The following TMEM132D variants were observed in gnomAD, a reference collection of about 807,000 sequenced individuals.
The protein encoded by TMEM132D is transmembrane protein 132D, also known as mature OL transmembrane protein.
A neutral mutation model predicts 62.3 loss-of-function variants in TMEM132D; 21 were observed. The observed-to-expected ratio is 0.34, with a 90% CI of 0.24 to 0.49. TMEM132D has a LOEUF of 0.49. Among genes scored for constraint, TMEM132D ranks in the 20% least tolerant of loss-of-function variants. TMEM132D has a pLI of 0.99. For synonymous variants in TMEM132D, 621 were observed against 575.6 expected, an observed-to-expected ratio of 1.08 and a Z score of -1.13; for missense variants, 1,346 against 1,402.8, an observed-to-expected ratio of 0.96 and a Z score of 0.65.
rs148085595 is a variant in TMEM132D at position 129,713,360 on chromosome 12, G to A, written c.80-12662C>T. On this transcript the variant is annotated intron_variant, in intron 1 of 8. Transcript: ENST00000422113. ...CCATTTGCAGAAGAATGTTTTTGTT[G>A]CTTAAATGTAGGTCTCTCTGATCTC... is the stretch of plus-strand genomic sequence containing the variant. 6.8e-3 allele frequency among the ~76,000 whole-genome samples: 1,024 copies of A among 151,648 alleles called. 6 individuals are homozygous for A. The highest frequency in any genetic ancestry group is 0.029 in the South Asian group (138 of 4,776).
At chr12:129,205,957 A>T (rs896055641) in intron 5 of TMEM132D, among the ~76,000 whole-genome samples, 1 of 152,206 alleles carries the variant, frequency 6.6e-6, no homozygotes, top group Non-Finnish European at 1.5e-5. Context: ...TTAACTCAAG[A>T]TGGATTAAAT....
chr12:129,669,320 T>C (rs1466063780), intron 2 of TMEM132D, among the ~76,000 whole-genome samples: 2 of 152,212 alleles, frequency 1.3e-5, no homozygotes, highest in Non-Finnish European at 1.5e-5. Context: ...TTAGCTGTTC[T>C]TGAGGTTTTT....
chr12:129,429,949 A>G (rs927449489), intron 3 of TMEM132D, among the ~76,000 whole-genome samples: 6 of 151,968 alleles, frequency 3.9e-5, no homozygotes, highest in African/African-American at 1.4e-4. Flanking sequence ...TCCATGGTGT[A>G]TATGTGCCAC....
At chr12:129,714,163 C>T (rs1424652025) in intron 1 of TMEM132D, among the ~76,000 whole-genome samples, 1 of 152,164 alleles carries the variant, frequency 6.6e-6, no homozygotes, top group East Asian at 1.9e-4. Context: ...CCTGGAGTGC[C>T]CATCCCCAGG....
intron 2 of TMEM132D, among the ~76,000 whole-genome samples, chr12:129,693,845 G>C (rs560716569): frequency 6.6e-6 from 1 of 152,146 alleles, no homozygotes; most frequent in African/African-American, 2.4e-5. Flanking sequence ...TGTATGCGAC[G>C]TATGAACAAG....
At chr12:129,508,228 A>C (rs1875397170) in intron 3 of TMEM132D, among the ~76,000 whole-genome samples, 1 of 152,322 alleles carries the variant, frequency 6.6e-6, no homozygotes, top group African/African-American at 2.4e-5. Flanking sequence ...ACTCTCTACA[A>C]GTTATACAAT....
At chr12:129,241,389 G>A (rs12827913) in intron 4 of TMEM132D, among the ~76,000 whole-genome samples, 3,886 of 152,110 alleles carry the variant, frequency 0.026, 78 homozygotes, top group Non-Finnish European at 0.035. Context: ...CATATGTTTC[G>A]CTCTTCTCCA....
chr12:129,840,340 C>G (rs1873153601), intron 1 of TMEM132D: 1 of 152,084 alleles, frequency 6.6e-6, no homozygotes, highest in Admixed American at 6.5e-5. Context: ...CGAGGATGCC[C>G]CTCCCAGCCT....
At chr12:129,735,340 G>C (rs1440829246) in intron 1 of TMEM132D, among the ~76,000 whole-genome samples, 2 of 152,140 alleles carry the variant, frequency 1.3e-5, no homozygotes, top group African/African-American at 4.8e-5. Flanking sequence ...ACACCACCTG[G>C]CATTTAAAAG....
At chr12:129,534,995 G>A (rs1359936923) in intron 2 of TMEM132D, among the ~76,000 whole-genome samples, 3 of 152,134 alleles carry the variant, frequency 2.0e-5, no homozygotes, top group Admixed American at 2.0e-4. Context: ...ATATAACAAG[G>A]GGAGGCTAAG....
At chr12:129,735,277 C>A (rs1039668055) in intron 1 of TMEM132D, among the ~76,000 whole-genome samples, 17 of 152,166 alleles carry the variant, frequency 1.1e-4, no homozygotes, top group African/African-American at 4.1e-4. Context: ...ACCTGTCCTG[C>A]TCAACATTTA....
rs905121 is a variant in TMEM132D, at chr12:129,823,426, C to T, written c.79+79835G>A. On this transcript the variant is annotated intron_variant, in intron 1 of 8. Coordinates refer to ENST00000422113, the MANE Select transcript of TMEM132D (RefSeq NM_133448.3). Reference sequence around the variant, plus strand: ...ATATTTTTTATACAAAGAGTTTAGGCGCAGTACGCCCCTTTCATCAGTTAG... The same window carrying T: ...ATATTTTTTATACAAAGAGTTTAGGTGCAGTACGCCCCTTTCATCAGTTAG... 8.8e-3 allele frequency among the ~76,000 whole-genome samples: 1,341 copies of T among 152,326 alleles called. 13 individuals carry two copies. The highest frequency in any genetic ancestry group is 0.03 in the African/African-American group (1,237 of 41,570).
At chr12:129,771,345 G>T (rs571200477) in intron 1 of TMEM132D, among the ~76,000 whole-genome samples, 1 of 152,142 alleles carries the variant, frequency 6.6e-6, no homozygotes, top group Non-Finnish European at 1.5e-5. Context: ...GATAATAACA[G>T]TCCCTGCCTC....
At chr12:129,737,393 G>A (rs551604948) in intron 1 of TMEM132D, among the ~76,000 whole-genome samples, 13 of 152,224 alleles carry the variant, frequency 8.5e-5, no homozygotes, top group African/African-American at 1.9e-4. Context: ...TGACAAGATC[G>A]AACACTTGAA....
chr12:129,227,163 G>A (rs895029685), intron 4 of TMEM132D, among the ~76,000 whole-genome samples: 5 of 151,696 alleles, frequency 3.3e-5, no homozygotes, highest in African/African-American at 1.2e-4. Context: ...TCGACCACAC[G>A]TACCTGACAT....
chr12:129,166,956 G>A (rs1284810942), intron 5 of TMEM132D, among the ~76,000 whole-genome samples: 1 of 151,982 alleles, frequency 6.6e-6, no homozygotes, highest in African/African-American at 2.4e-5. Flanking sequence ...TTGAGGTCAC[G>A]AGTTCGAGAC....
At chr12:129,308,634 C>A (rs1483999079) in intron 4 of TMEM132D, among the ~76,000 whole-genome samples, 1 of 152,078 alleles carries the variant, frequency 6.6e-6, no homozygotes, top group Non-Finnish European at 1.5e-5. Flanking sequence ...TAAAATGATC[C>A]TTCAGAAAGA....
chr12:129,191,096 C>T (rs74843785), intron 5 of TMEM132D, among the ~76,000 whole-genome samples: 10,378 of 152,218 alleles, frequency 0.068, 477 homozygotes, highest in Non-Finnish European at 0.095. Context: ...CTCCAAGGGA[C>T]GTGGGCCTTA....
chr12:129,476,913 T>C lies in TMEM132D; in HGVS notation c.1115+54146A>G, dbSNP rs532463918. Among the ~76,000 whole-genome samples, 14 of 152,348 alleles carry C rather than the reference T, an allele frequency of 9.2e-5. No homozygotes were observed. In the South Asian group the frequency reaches 2.9e-3, roughly 32 times the overall value. On this transcript the variant is annotated intron_variant, in intron 3 of 8. Transcript: ENST00000422113. ...ACTTACGCTGCCTTCCAGTATAAGATGATCAATTTCTACCAATCGTTTTTT... is the reference window on the plus strand; with the variant it reads ...ACTTACGCTGCCTTCCAGTATAAGACGATCAATTTCTACCAATCGTTTTTT...
Sources: gnomAD v4.1 joint callset for allele counts (sites outside exome capture counted in the v4.1 genomes callset) on GRCh38, gnomAD v4.1.1 for gene constraint, MANE v1.5 for transcripts, NCBI Gene and HGNC (gene_info 2026-07-23, HGNC 2026-07-21) for gene names.